Variants in FMNL2 observed in about 807,000 individuals in gnomAD.
FMNL2 encodes formin-like protein 2.
Under a neutral mutation model 130.2 loss-of-function variants are expected in FMNL2, and 51 were observed. That is an observed-to-expected ratio of 0.39 (90% CI 0.31 to 0.49). The LOEUF (loss-of-function observed/expected upper bound fraction) is 0.49, where lower values mean the gene tolerates loss of function less well. FMNL2 is among the 20% of genes least tolerant of loss of function. The probability of loss-of-function intolerance (pLI) is 0.85; values close to 1 mark genes in which losing one functional copy is unlikely to be tolerated. For synonymous variants in FMNL2, 465 were observed against 467.1 expected (o/e 1.00, Z 0.06); for missense variants, 977 against 1,316.2 (o/e 0.74, Z 3.99).
intron 1 of FMNL2, among the ~76,000 whole-genome samples, chr2:152,507,719 G>A (rs1233902608): frequency 1.3e-5 from 2 of 152,014 alleles, no homozygotes; most frequent in African/African-American, 2.4e-5. Flanking sequence ...CTGTGCTACC[G>A]TCCATGTGTC....
At position 152,589,987 on chromosome 2, in the gene FMNL2, A is replaced by ATATGTATATGTATATG. The variant is rs1553482702; in HGVS notation, c.876+8953_876+8954insGTATGTATATGTATAT. ...TATATATATATATATATATATATGTATATGTATATGTATATATATATACAT... is the reference window on the plus strand; with the variant it reads ...TATATATATATATATATATATATGTATATGTATATGTATATGTATGTATATGTATATATATATACAT... On this transcript the variant is annotated intron_variant, in intron 9 of 25. Transcript: ENST00000288670. 5.9e-3 allele frequency among the ~76,000 whole-genome samples: 325 copies of ATATGTATATGTATATG among 55,170 alleles called. 7 individuals are homozygous for ATATGTATATGTATATG. Among genetic ancestry groups the ATATGTATATGTATATG allele is most frequent in the African/African-American group, 0.024 (317 of 13,334 alleles). The allele number at this position is 55,170 out of a possible 152,430, so 36.2% of individuals were successfully genotyped here.
At chr2:152,563,015 G>C (rs1402421100) in intron 6 of FMNL2, among the ~76,000 whole-genome samples, 1 of 152,168 alleles carries the variant, frequency 6.6e-6, no homozygotes, top group Non-Finnish European at 1.5e-5. Flanking sequence ...TTTTCCAGTA[G>C]AGCAGAAGAA....
In FMNL2 at chr2:152,648,329, T is replaced by G. The variant is rs1377529509; in HGVS notation, c.*424T>G. On this transcript the variant is annotated 3_prime_UTR_variant, in exon 26 of 26. Coordinates refer to ENST00000288670, the MANE Select transcript of FMNL2 (RefSeq NM_052905.4). ...AGGAATTTTGTTTTAGCCATATCCA[T>G]CAACTTTGTATTTTACTTGCAATTT... 1 of 157,094 alleles carries G rather than the reference T, an allele frequency of 6.4e-6. No homozygotes were observed. The highest frequency in any genetic ancestry group is 1.4e-5 in the Non-Finnish European group (1 of 70,968). 9.7% of individuals were successfully genotyped at this position (157,094 alleles called of 1,614,324 possible).
intron 1 of FMNL2, chr2:152,390,270 C>A: frequency 7.0e-7 from 1 of 1,430,346 alleles, no homozygotes; most frequent in Non-Finnish European, 9.8e-7. Flanking sequence ...CCGGGTGGGG[C>A]TCAAGGGGCA....
intron 3 of FMNL2, among the ~76,000 whole-genome samples, chr2:152,545,462 A>C (rs1179151459): frequency 1.3e-5 from 2 of 152,186 alleles, no homozygotes; most frequent in Non-Finnish European, 2.9e-5. Context: ...TTTCTTCTAA[A>C]TAGTTTTAAA....
intron 1 of FMNL2, 47 bp downstream of exon 1, chr2:152,335,767 C>G (rs757566318): frequency 1.2e-5 from 17 of 1,392,208 alleles, no homozygotes; most frequent in Non-Finnish European, 1.4e-5. Context: ...GGCCCCGGGC[C>G]GGGCGGCGCA....
chr2:152,520,430 A>G (rs1424223925), intron 1 of FMNL2, among the ~76,000 whole-genome samples: 2 of 152,026 alleles, frequency 1.3e-5, no homozygotes, highest in African/African-American at 2.4e-5. Context: ...CCCCGTCTCT[A>G]TTAAGAATAC....
At chr2:152,511,141 A>G (rs1692478608) in intron 1 of FMNL2, among the ~76,000 whole-genome samples, 1 of 152,162 alleles carries the variant, frequency 6.6e-6, no homozygotes, top group Admixed American at 6.5e-5. Flanking sequence ...TGATTTCCAT[A>G]GTAGGTGTAC....
At chr2:152,568,094 C>T (rs1482228707) in intron 6 of FMNL2, among the ~76,000 whole-genome samples, 1 of 152,160 alleles carries the variant, frequency 6.6e-6, no homozygotes, top group Admixed American at 6.5e-5. Context: ...CAGACATATA[C>T]ACAACTCACA....
At chr2:152,630,276 A>G (rs1472127882) in intron 20 of FMNL2, among the ~76,000 whole-genome samples, 2 of 152,248 alleles carry the variant, frequency 1.3e-5, no homozygotes, top group East Asian at 3.8e-4. Context: ...GTGTCCCAAG[A>G]AAGATTTGTG....
chr2:152,452,580 A>T (rs1371408334), intron 1 of FMNL2, among the ~76,000 whole-genome samples: 9 of 152,170 alleles, frequency 5.9e-5, no homozygotes, highest in Admixed American at 4.6e-4. Flanking sequence ...AATGGGACAA[A>T]TGTGACTGCT....
At chr2:152,611,240 G>A (rs911806231) in intron 10 of FMNL2, among the ~76,000 whole-genome samples, 2 of 152,144 alleles carry the variant, frequency 1.3e-5, no homozygotes, top group African/African-American at 2.4e-5. Context: ...TCGGGAGGCC[G>A]AGGCAGGAGA....
intron 1 of FMNL2, among the ~76,000 whole-genome samples, chr2:152,377,128 A>G (rs1173353005): frequency 6.6e-6 from 1 of 152,246 alleles, no homozygotes; most frequent in East Asian, 1.9e-4. Context: ...TATGACAGCA[A>G]TTGTAAAGAA....
intron 1 of FMNL2, among the ~76,000 whole-genome samples, chr2:152,355,715 G>A (rs896026665): frequency 2.6e-5 from 4 of 152,120 alleles, no homozygotes; most frequent in Non-Finnish European, 5.9e-5. Context: ...AGTCCATCAC[G>A]CTGTTAAATG....
chr2:152,478,521 C>T (rs534141642), intron 1 of FMNL2, among the ~76,000 whole-genome samples: 1 of 152,146 alleles, frequency 6.6e-6, no homozygotes, highest in South Asian at 2.1e-4. Flanking sequence ...TAGGTGTGAG[C>T]TACTGTGCCC....
chr2:152,390,688 T>C, intron 1 of FMNL2: 1 of 758,946 alleles, frequency 1.3e-6, no homozygotes, highest in Admixed American at 1.7e-5. Context: ...CCATCCAACC[T>C]TCTTTCCCAC....
intron 1 of FMNL2, among the ~76,000 whole-genome samples, chr2:152,490,207 G>A (rs1424066529): frequency 2.6e-5 from 4 of 151,774 alleles, no homozygotes; most frequent in Admixed American, 2.6e-4. Context: ...AGGGAATTGG[G>A]TGCATAGAAG....
chr2:152,548,663 A>G (rs919705022), intron 3 of FMNL2, among the ~76,000 whole-genome samples: 2 of 152,188 alleles, frequency 1.3e-5, no homozygotes, highest in Non-Finnish European at 2.9e-5. Flanking sequence ...CATCATAGCC[A>G]CGGGTATGAC....
At chr2:152,445,804 G>C (rs1688301444) in intron 1 of FMNL2, among the ~76,000 whole-genome samples, 1 of 152,178 alleles carries the variant, frequency 6.6e-6, no homozygotes, top group Admixed American at 6.5e-5. Context: ...TAATTAATAT[G>C]CTAACTCACA....
Sources: gnomAD v4.1 joint callset for allele counts (sites outside exome capture counted in the v4.1 genomes callset) on GRCh38, gnomAD v4.1.1 for gene constraint, MANE v1.5 for transcripts, NCBI Gene and HGNC (gene_info 2026-07-23, HGNC 2026-07-21) for gene names.